ERC2: variants seen among roughly 807,000 people sequenced by gnomAD.
The protein encoded by ERC2 is ERC protein 2.
Under a neutral mutation model 114.8 loss-of-function variants are expected in ERC2, and 42 were observed. That is an observed-to-expected ratio of 0.37 (90% CI 0.29 to 0.47). The LOEUF (loss-of-function observed/expected upper bound fraction) is 0.47. Ranked by LOEUF, ERC2 falls within the 20% of genes least tolerant of loss-of-function variation. ERC2 has a pLI of 0.99. For missense variants in ERC2, 939 were observed against 1,150.7 expected (o/e 0.82, Z 2.66); for synonymous variants, 454 against 425.5 (o/e 1.07, Z -0.82).
intron 1 of ERC2, among the ~76,000 whole-genome samples, chr3:56,439,393 C>T (rs2107426768): frequency 6.6e-6 from 1 of 152,324 alleles, no homozygotes; most frequent in Admixed American, 6.5e-5. Flanking sequence ...CTACAGTGAG[C>T]TATAACTGCA....
intron 7 of ERC2, among the ~76,000 whole-genome samples, chr3:56,071,165 A>G (rs2076722884): frequency 6.6e-6 from 1 of 152,214 alleles, no homozygotes; most frequent in Admixed American, 6.5e-5. Context: ...CAGCCAGCTC[A>G]TTACCGATGC....
intron 17 of ERC2, among the ~76,000 whole-genome samples, chr3:55,572,162 A>G (rs1211902144): frequency 6.6e-6 from 1 of 152,200 alleles, no homozygotes; most frequent in African/African-American, 2.4e-5. Context: ...AGGAAAACAA[A>G]GACAGCGGCC....
chr3:56,394,188 T>G (rs936017907), intron 2 of ERC2, among the ~76,000 whole-genome samples: 1 of 152,222 alleles, frequency 6.6e-6, no homozygotes, highest in African/African-American at 2.4e-5. Flanking sequence ...AGAACCTTAC[T>G]GTAGGCAAAA....
chr3:55,682,049 T>C (rs1362281704), intron 17 of ERC2, among the ~76,000 whole-genome samples: 1 of 152,248 alleles, frequency 6.6e-6, no homozygotes, highest in Non-Finnish European at 1.5e-5. Flanking sequence ...TTCCTTTACC[T>C]ACCTCTTCCA....
intron 2 of ERC2, among the ~76,000 whole-genome samples, chr3:56,366,672 G>T (rs2059162525): frequency 6.6e-6 from 1 of 152,086 alleles, no homozygotes; most frequent in South Asian, 2.1e-4. Flanking sequence ...GCTCCCTTTT[G>T]TCCTTCTATT....
At chr3:55,726,281 A>C (rs969740670) in intron 15 of ERC2, among the ~76,000 whole-genome samples, 1 of 152,186 alleles carries the variant, frequency 6.6e-6, no homozygotes. Context: ...TCCAAACACA[A>C]CAGGAGGCTA....
intron 4 of ERC2, among the ~76,000 whole-genome samples, chr3:56,153,996 T>C (rs1309089647): frequency 6.6e-6 from 1 of 152,156 alleles, no homozygotes; most frequent in Non-Finnish European, 1.5e-5. Flanking sequence ...ACCTACATAA[T>C]TATATTACAC....
chr3:56,153,428 G>T (rs1025477580), intron 4 of ERC2, among the ~76,000 whole-genome samples: 1 of 152,134 alleles, frequency 6.6e-6, no homozygotes, highest in African/African-American at 2.4e-5. Context: ...GGTGATTCGG[G>T]TGTTCTAAAT....
At chr3:56,314,451 T>C (rs2056769677) in intron 2 of ERC2, among the ~76,000 whole-genome samples, 1 of 131,550 alleles carries the variant, frequency 7.6e-6, no homozygotes, top group Non-Finnish European at 1.5e-5. Context: ...CAAATACAGA[T>C]TGCAAACTGT....
intron 3 of ERC2, among the ~76,000 whole-genome samples, chr3:56,201,747 C>T (rs549358304): frequency 4.6e-5 from 7 of 152,160 alleles, no homozygotes; most frequent in Non-Finnish European, 1.0e-4. Flanking sequence ...CTATCGGACA[C>T]ATAAATGTTG....
intron 6 of ERC2, among the ~76,000 whole-genome samples, chr3:56,096,473 A>G (rs2078070100): frequency 6.6e-6 from 1 of 152,198 alleles, no homozygotes; most frequent in African/African-American, 2.4e-5. Context: ...GAACAGCATA[A>G]ATAGCAACCA....
chr3:55,791,052 T>C (rs1575608336), intron 14 of ERC2, among the ~76,000 whole-genome samples: 1 of 152,220 alleles, frequency 6.6e-6, no homozygotes, highest in Non-Finnish European at 1.5e-5. Flanking sequence ...AGGAGAACTG[T>C]TTAAAATTGC....
chr3:55,951,277 T>C (rs1177231510), intron 12 of ERC2, among the ~76,000 whole-genome samples: 1 of 152,198 alleles, frequency 6.6e-6, no homozygotes, highest in African/African-American at 2.4e-5. Flanking sequence ...GAGATCATAA[T>C]CCATTACTTT....
At chr3:56,368,968 C>T (rs917382326) in intron 2 of ERC2, among the ~76,000 whole-genome samples, 7 of 152,180 alleles carry the variant, frequency 4.6e-5, no homozygotes, top group Non-Finnish European at 7.3e-5. Flanking sequence ...AACTGGAAGG[C>T]TACTCCATAA....
intron 12 of ERC2, among the ~76,000 whole-genome samples, chr3:55,964,306 T>C (rs771542810): frequency 6.6e-6 from 1 of 152,228 alleles, no homozygotes; most frequent in Non-Finnish European, 1.5e-5. Flanking sequence ...ATGCAGAATT[T>C]GAACTATTGT....
At chr3:56,368,242 A>G (rs1228228452) in intron 2 of ERC2, among the ~76,000 whole-genome samples, 1 of 151,282 alleles carries the variant, frequency 6.6e-6, no homozygotes, top group East Asian at 1.9e-4. Flanking sequence ...ATCATGGGAT[A>G]TTAATTATCA....
intron 2 of ERC2, among the ~76,000 whole-genome samples, chr3:56,430,540 C>T (rs1559492102): frequency 6.6e-6 from 1 of 152,202 alleles, no homozygotes; most frequent in South Asian, 2.1e-4. Context: ...GATAACACTG[C>T]ACTTTGGGAG....
At chr3:56,146,024 C>A (rs188017063) in intron 5 of ERC2, among the ~76,000 whole-genome samples, 2 of 152,226 alleles carry the variant, frequency 1.3e-5, no homozygotes, top group African/African-American at 4.8e-5. Flanking sequence ...TGGTGGCTCA[C>A]ATCTGTAATC....
chr3:55,662,868 A>C (rs1287660492), intron 17 of ERC2, among the ~76,000 whole-genome samples: 1 of 152,210 alleles, frequency 6.6e-6, no homozygotes, highest in Non-Finnish European at 1.5e-5. Flanking sequence ...TTCCATGCTT[A>C]TTCATTGCTA....
Sources: gnomAD v4.1 joint callset for allele counts (sites outside exome capture counted in the v4.1 genomes callset) on GRCh38, gnomAD v4.1.1 for gene constraint, MANE v1.5 for transcripts, NCBI Gene and HGNC (gene_info 2026-07-23, HGNC 2026-07-21) for gene names.